Variants in NKAIN2 observed in about 807,000 individuals in gnomAD.
The protein encoded by NKAIN2 is sodium/potassium transporting ATPase interacting 2.
In NKAIN2, 14 loss-of-function variants were observed where a neutral mutation model predicts 32.6. That is an observed-to-expected ratio of 0.43 (90% CI 0.28 to 0.67). The LOEUF is 0.67. NKAIN2 is among the 30% of genes least tolerant of loss of function. NKAIN2 has a pLI of 0.17. For synonymous variants in NKAIN2, 80 were observed against 87.2 expected (o/e 0.92, Z 0.46); for missense variants, 198 against 258.3 (o/e 0.77, Z 1.60).
intron 1 of NKAIN2, among the ~76,000 whole-genome samples, chr6:123,826,445 C>T (rs974519220): frequency 2.0e-5 from 3 of 152,102 alleles, no homozygotes; most frequent in African/African-American, 7.2e-5. Context: ...GTGCAACCAT[C>T]ACCACCATCC....
chr6:124,405,432 G>A (rs1773809020), intron 3 of NKAIN2, among the ~76,000 whole-genome samples: 1 of 151,960 alleles, frequency 6.6e-6, no homozygotes, highest in Admixed American at 6.6e-5. Flanking sequence ...TGTAGGATGG[G>A]ATATTTATTT....
intron 1 of NKAIN2, among the ~76,000 whole-genome samples, chr6:124,147,849 C>T (rs12193045): frequency 0.053 from 8,026 of 152,112 alleles, 308 homozygotes; most frequent in Middle Eastern, 0.095. Flanking sequence ...TAATGGAATG[C>T]TTAAATCTCA....
chr6:124,729,573 C>T (rs966991219), intron 4 of NKAIN2, among the ~76,000 whole-genome samples: 1 of 151,542 alleles, frequency 6.6e-6, no homozygotes, highest in Non-Finnish European at 1.5e-5. Flanking sequence ...ATAATAAAAG[C>T]TATCTATGAC....
chr6:123,933,840 C>T (rs235693), intron 1 of NKAIN2, among the ~76,000 whole-genome samples: 2 of 152,062 alleles, frequency 1.3e-5, no homozygotes, highest in African/African-American at 4.8e-5. Context: ...TCAGTGCTCA[C>T]GGGTCATTTT....
intron 1 of NKAIN2, among the ~76,000 whole-genome samples, chr6:124,203,730 G>A (rs573903493): frequency 2.0e-5 from 3 of 151,858 alleles, no homozygotes; most frequent in South Asian, 2.1e-4. Context: ...AGATCATAGT[G>A]AGAATTAGAG....
intron 1 of NKAIN2, among the ~76,000 whole-genome samples, chr6:123,963,673 G>T (rs111306402): frequency 3.7e-4 from 57 of 152,244 alleles, no homozygotes; most frequent in African/African-American, 1.3e-3. Context: ...AACAGAAAGC[G>T]TAAAAGAAAG....
At chr6:123,833,624 A>G (rs966136928) in intron 1 of NKAIN2, among the ~76,000 whole-genome samples, 2 of 149,980 alleles carry the variant, frequency 1.3e-5, no homozygotes, top group African/African-American at 2.5e-5. Flanking sequence ...CGGATTTTGT[A>G]TATCTTTTAT....
chr6:124,337,307 G>GATA (rs1310838992), intron 2 of NKAIN2, among the ~76,000 whole-genome samples: 1 of 152,070 alleles, frequency 6.6e-6, no homozygotes, highest in African/African-American at 2.4e-5. Context: ...GACCAGCCTG[G>GATA]ATAAGATGGC....
intron 3 of NKAIN2, among the ~76,000 whole-genome samples, chr6:124,595,067 G>A (rs1315253125): frequency 6.6e-6 from 1 of 152,196 alleles, no homozygotes; most frequent in Non-Finnish European, 1.5e-5. Context: ...TGAAATAAAA[G>A]CAGAATAAAA....
intron 1 of NKAIN2, among the ~76,000 whole-genome samples, chr6:123,936,301 A>G (rs1776508252): frequency 6.6e-6 from 1 of 152,208 alleles, no homozygotes; most frequent in Non-Finnish European, 1.5e-5. Flanking sequence ...TGCGGACCCT[A>G]GATGGGTTTG....
chr6:124,353,902 T>C (rs80129709), intron 2 of NKAIN2, among the ~76,000 whole-genome samples: 2,267 of 152,228 alleles, frequency 0.015, 33 homozygotes, highest in Non-Finnish European at 0.023. Flanking sequence ...ATGATCATGA[T>C]CATGGAGGTT....
chr6:124,742,610 C>G (rs998687380), intron 4 of NKAIN2, among the ~76,000 whole-genome samples: 3 of 151,852 alleles, frequency 2.0e-5, no homozygotes, highest in African/African-American at 7.2e-5. Context: ...TATATTGGTT[C>G]TCTTTTTGGT....
chr6:124,801,624 C>A (rs751105927), intron 5 of NKAIN2, among the ~76,000 whole-genome samples: 6 of 152,146 alleles, frequency 3.9e-5, no homozygotes, highest in African/African-American at 1.4e-4. Context: ...CAAACAGGTA[C>A]CATCTTTGCC....
intron 3 of NKAIN2, among the ~76,000 whole-genome samples, chr6:124,388,892 T>C (rs1773027450): frequency 6.6e-6 from 1 of 152,102 alleles, no homozygotes; most frequent in South Asian, 2.1e-4. Context: ...ACTCCAAGCA[T>C]AGTGCTAAAG....
intron 1 of NKAIN2, among the ~76,000 whole-genome samples, chr6:124,088,807 T>C (rs1237174851): frequency 1.3e-5 from 2 of 152,074 alleles, no homozygotes; most frequent in African/African-American, 4.8e-5. Flanking sequence ...ATTTGTGTGC[T>C]AAAATAAATT....
intron 3 of NKAIN2, among the ~76,000 whole-genome samples, chr6:124,597,461 C>T (rs752953595): frequency 1.3e-5 from 2 of 151,878 alleles, no homozygotes; most frequent in Non-Finnish European, 2.9e-5. Context: ...TCTGGCAAAC[C>T]TACTACCTTC....
At chr6:124,173,675 A>G (rs1245587788) in intron 1 of NKAIN2, among the ~76,000 whole-genome samples, 3 of 152,146 alleles carry the variant, frequency 2.0e-5, no homozygotes, top group African/African-American at 7.2e-5. Context: ...TGATACCTAT[A>G]TCAAATATTA....
At chr6:124,739,553 A>C (rs1385009209) in intron 4 of NKAIN2, among the ~76,000 whole-genome samples, 1 of 151,870 alleles carries the variant, frequency 6.6e-6, no homozygotes, top group Admixed American at 6.6e-5. Context: ...TAAAGATTGG[A>C]GCCAGCTCAA....
intron 1 of NKAIN2, among the ~76,000 whole-genome samples, chr6:124,189,189 A>T (rs963078890): frequency 3.3e-5 from 5 of 152,214 alleles, no homozygotes; most frequent in African/African-American, 1.2e-4. Flanking sequence ...CCATGAGATT[A>T]TTCAGATAAA....
Sources: gnomAD v4.1 joint callset for allele counts (sites outside exome capture counted in the v4.1 genomes callset) on GRCh38, gnomAD v4.1.1 for gene constraint, MANE v1.5 for transcripts, NCBI Gene and HGNC (gene_info 2026-07-23, HGNC 2026-07-21) for gene names.